Variants in SCPEP1 observed in about 807,000 individuals in gnomAD.
SCPEP1 encodes serine carboxypeptidase 1.
A neutral mutation model predicts 63.8 loss-of-function variants in SCPEP1; 51 were observed. The observed-to-expected ratio is 0.80, with a 90% confidence interval of 0.64 to 1.01. SCPEP1 has a LOEUF of 1.01. Among genes scored for constraint, SCPEP1 ranks in the 50% least tolerant of loss-of-function variants. The probability of loss-of-function intolerance (pLI) is 0.00; values close to 1 mark genes in which losing one functional copy is unlikely to be tolerated. For missense variants in SCPEP1, 499 were observed against 554.9 expected (o/e 0.90, Z 1.01); for synonymous variants, 204 against 207.8 (o/e 0.98, Z 0.16).
rs570106152 is a variant in SCPEP1 at position 57,000,010 on chromosome 17, C to T, written c.995-845C>T. On this transcript the variant is annotated intron_variant, in intron 10 of 12. Coordinates refer to ENST00000262288, the MANE Select transcript of SCPEP1 (RefSeq NM_021626.3). ...AAAAAAAAAAAAAAAAAGAGCTGGGCGTGGTGGTGTGCATCTGTAGTCTCA... is the reference window on the plus strand; with the variant it reads ...AAAAAAAAAAAAAAAAAGAGCTGGGTGTGGTGGTGTGCATCTGTAGTCTCA... Among the ~76,000 whole-genome samples, 12 of 141,244 alleles carry T rather than the reference C, an allele frequency of 8.5e-5. No individual in the cohort carries two copies. The South Asian group carries it at 1.1e-3, about 13-fold the overall frequency. 92.7% of individuals were successfully genotyped at this position (141,244 alleles called of 152,430 possible).
rs768001230 is a variant in SCPEP1, at chr17:56,998,375, T to C, written c.881-10T>C. The C allele has an allele frequency of 6.9e-6, 11 of 1,604,684 alleles. No homozygotes were observed. The highest frequency in any genetic ancestry group is 9.4e-6 in the Non-Finnish European group (11 of 1,172,094). ...GCCCTTTGACTCACTATCTACCAGT[T>C]TGGTTTTAGTTTGTCTTTGTCAGCG... On this transcript the variant is annotated splice_polypyrimidine_tract_variant and intron_variant, in intron 9 of 12. Coordinates refer to ENST00000262288, the MANE Select transcript of SCPEP1 (RefSeq NM_021626.3).
In SCPEP1 at chr17:56,987,714, T is replaced by A; in HGVS notation, c.335T>A (p.Leu112Gln). ...ACATAGCTCCAGGCTGCCAGTCTCC[T>A]ATTTGTGGATAATCCCGTGGGCACT... ...KTTWLQAASL[L>Q]FVDNPVGTGF... Residue 112 changes from leucine (L) to glutamine (Q), a missense_variant, in exon 4 of 13, where the codon CTA becomes CAA. Transcript: ENST00000262288. 6.2e-7 allele frequency: 1 copy of A among 1,613,956 alleles called. No individual in the cohort carries two copies. The highest frequency in any genetic ancestry group is 2.2e-5 in the East Asian group (1 of 44,876).
intron 5 of SCPEP1, among the ~76,000 whole-genome samples, chr17:56,990,134 T>C (rs1351671870): frequency 3.9e-5 from 6 of 152,162 alleles, no homozygotes; most frequent in Non-Finnish European, 7.3e-5. Context: ...TGGAACGATA[T>C]GAGATAACTT....
intron 10 of SCPEP1, among the ~76,000 whole-genome samples, chr17:56,999,569 G>A (rs370622506): frequency 4.3e-4 from 66 of 152,282 alleles, no homozygotes; most frequent in African/African-American, 1.6e-3. Flanking sequence ...TTTCTCAGGG[G>A]ACATGGGCCC....
chr17:57,002,797 C>A (rs748354435), intron 12 of SCPEP1, among the ~76,000 whole-genome samples: 1 of 151,016 alleles, frequency 6.6e-6, no homozygotes, highest in African/African-American at 2.4e-5. Context: ...ATTGATTGAG[C>A]CTGAAAGTTA....
chr17:56,994,800 C>A, intron 6 of SCPEP1, 181 bp from the exon 7 acceptor site: 1 of 540,044 alleles, frequency 1.9e-6, no homozygotes, highest in Non-Finnish European at 3.4e-6. Flanking sequence ...TCCCACCTTC[C>A]AGACACTGAG....
chr17:56,981,270 G>C (rs1426589854), intron 2 of SCPEP1, 40 bp downstream of exon 2: 3 of 1,611,604 alleles, frequency 1.9e-6, no homozygotes, highest in Non-Finnish European at 2.5e-6. Flanking sequence ...TCAAAGCCAA[G>C]TCTCCTCTGT....
At chr17:56,998,221 A>G (rs1811258) in intron 9 of SCPEP1, 164 bp from the exon 10 acceptor site, 242,798 of 510,204 alleles carry the variant, frequency 0.48, 59,547 homozygotes, top group African/African-American at 0.58. Flanking sequence ...TGAGGCAGGA[A>G]AATCGCTTGA....
chr17:57,006,336 G>T lies in SCPEP1; in HGVS notation c.*101G>T. On this transcript the variant is annotated 3_prime_UTR_variant, in exon 13 of 13. Coordinates refer to ENST00000262288, the MANE Select transcript of SCPEP1 (RefSeq NM_021626.3). ...GCGCCATTCTTCCCTGTATCTAACT[G>T]GGGCTGTGATCAAGAAGGTTCTGAC... The T allele has an allele frequency of 1.3e-6, 1 of 796,710 alleles. No individual in the cohort carries two copies. The highest frequency in any genetic ancestry group is 1.9e-6 in the Non-Finnish European group (1 of 521,224). 49.4% of individuals were successfully genotyped at this position (796,710 alleles called of 1,614,324 possible). A position where few individuals can be genotyped will look rare whatever the true frequency, so the allele number is the denominator to read the frequency against.
chr17:56,996,363 C>A (rs147977668), intron 8 of SCPEP1, among the ~76,000 whole-genome samples: 3,488 of 151,624 alleles, frequency 0.023, 124 homozygotes, highest in African/African-American at 0.079. Flanking sequence ...CACCACCGCA[C>A]CCAGCTAATT....
Position 56,998,374 on chromosome 17 carries a change from T to C in SCPEP1, c.881-11T>C. On this transcript the variant is annotated splice_polypyrimidine_tract_variant and intron_variant, in intron 9 of 12. Transcript: ENST00000262288. ...AGCCCTTTGACTCACTATCTACCAG[T>C]TTGGTTTTAGTTTGTCTTTGTCAGC... 1 of 1,598,492 alleles carries C rather than the reference T, an allele frequency of 6.3e-7. No individual in the cohort carries two copies. The highest frequency in any genetic ancestry group is 8.6e-7 in the Non-Finnish European group (1 of 1,167,060).
At chr17:57,005,075 T>C (rs2144513924) in intron 12 of SCPEP1, among the ~76,000 whole-genome samples, 1 of 152,356 alleles carries the variant, frequency 6.6e-6, no homozygotes. Flanking sequence ...AAAAGGTTAC[T>C]GTACTGTAAC....
rs150043058 is a variant in SCPEP1 at position 56,981,803 on chromosome 17, C to T, written c.225+573C>T. Among the ~76,000 whole-genome samples, 1,167 of 152,236 alleles carry T rather than the reference C, an allele frequency of 7.7e-3. 7 individuals carry two copies. Among genetic ancestry groups the T allele is most frequent in the Middle Eastern group, 0.02 (6 of 294 alleles). On this transcript the variant is annotated intron_variant, in intron 2 of 12. Transcript: ENST00000262288. ...TGCCACTGCGCTCCAGCCTGGGCGACAGAGCAAGACCCTATCTCAAAAGAA... is the reference window on the plus strand; with the variant it reads ...TGCCACTGCGCTCCAGCCTGGGCGATAGAGCAAGACCCTATCTCAAAAGAA...
chr17:57,006,316 A>G lies in SCPEP1; in HGVS notation c.*81A>G, dbSNP rs1308103582. On this transcript the variant is annotated 3_prime_UTR_variant, in exon 13 of 13. Coordinates refer to ENST00000262288, the MANE Select transcript of SCPEP1 (RefSeq NM_021626.3). ...GGCCGCTGAAGCTGTAGGAAGCGCCATTCTTCCCTGTATCTAACTGGGGCT... is the reference window on the plus strand; with the variant it reads ...GGCCGCTGAAGCTGTAGGAAGCGCCGTTCTTCCCTGTATCTAACTGGGGCT... 2 of 1,067,736 alleles carry G rather than the reference A, an allele frequency of 1.9e-6. No individual in the cohort carries two copies. The highest frequency in any genetic ancestry group is 3.2e-5 in the African/African-American group (2 of 62,062). 66.1% of individuals were successfully genotyped at this position (1,067,736 alleles called of 1,614,324 possible).
At chr17:56,986,241 A>G (rs1310317220) in intron 3 of SCPEP1, among the ~76,000 whole-genome samples, 1 of 150,480 alleles carries the variant, frequency 6.6e-6, no homozygotes, top group Non-Finnish European at 1.5e-5. Context: ...TTTTTTGGAA[A>G]TGGAATGTCC....
chr17:56,981,224 G>A lies in SCPEP1; in HGVS notation c.219G>A (p.Trp73Ter), dbSNP rs1198735993. Residue 73 changes from tryptophan to a stop codon, truncating the protein, a stop_gained, in exon 2 of 13, where the codon TGG becomes TGA. Transcript: ENST00000262288. LOFTEE classifies it high-confidence loss of function. ...TCTCAGAACTGCCCCTGGTCATGTG[G>A]CTTCAGGTAAAGTAGCTTCCCAGCC... Reference protein sequence around the residue: ...KNFSELPLVMWLQGGPGGSST... With the variant: ...KNFSELPLVM The A allele has an allele frequency of 2.5e-6, 4 of 1,614,002 alleles. No homozygotes were observed. The South Asian group carries it at 4.4e-5, about 18-fold the overall frequency.
chr17:56,988,360 G>C (rs915892564), intron 5 of SCPEP1, 70 bp downstream of exon 5: 1 of 1,182,204 alleles, frequency 8.5e-7, no homozygotes, highest in African/African-American at 1.5e-5. Flanking sequence ...ATGTACTCAC[G>C]TGCTATTAAA....
intron 1 of SCPEP1, among the ~76,000 whole-genome samples, chr17:56,979,158 T>C (rs1017643979): frequency 1.3e-5 from 2 of 152,196 alleles, no homozygotes; most frequent in Admixed American, 1.3e-4. Context: ...TTAATCTTCA[T>C]TGTTGTTTTG....
In SCPEP1 at chr17:56,989,848, G is replaced by A. The variant is rs182965316; in HGVS notation, c.547-1251G>A. On this transcript the variant is annotated intron_variant, in intron 5 of 12. Coordinates refer to ENST00000262288, the MANE Select transcript of SCPEP1 (RefSeq NM_021626.3). The stretch of plus-strand genomic sequence containing the variant: ...TGTAATCCCAGCTACTAGGGAGGCT[G>A]AGGCAGGAGAACTGCTTGAACCCAG... Among the ~76,000 whole-genome samples the A allele has an allele frequency of 4.1e-4, 63 of 152,278 alleles. No individual in the cohort carries two copies. The East Asian group carries it at 9.1e-3, about 22-fold the overall frequency.
Sources: allele counts gnomAD v4.1 joint callset (sites outside exome capture counted in the v4.1 genomes callset), GRCh38; gene constraint gnomAD v4.1.1; transcripts MANE v1.5; gene names NCBI Gene and HGNC (gene_info 2026-07-23, HGNC 2026-07-21).